Variants in CHRM2 observed in about 807,000 individuals in gnomAD.
CHRM2 encodes the protein cholinergic receptor muscarinic 2, also known as muscarinic acetylcholine receptor M2.
In CHRM2, 8 loss-of-function variants were observed where a neutral mutation model predicts 25.0. The ratio of observed to expected loss-of-function variants is 0.32; its 90% CI spans 0.19 to 0.58. The LOEUF is 0.58. Among genes scored for constraint, CHRM2 ranks in the 20% least tolerant of loss-of-function variants. The pLI, the probability that CHRM2 is intolerant of heterozygous loss-of-function variation, is 0.88. For synonymous variants in CHRM2, 202 were observed against 205.7 expected (o/e 0.98, Z 0.15); for missense variants, 440 against 567.1 (o/e 0.78, Z 2.28).
At chr7:136,893,022 C>A (rs1796754499) in intron 2 of CHRM2, among the ~76,000 whole-genome samples, 1 of 152,092 alleles carries the variant, frequency 6.6e-6, no homozygotes, top group African/African-American at 2.4e-5. Flanking sequence ...CCTCTCTTCT[C>A]TTGTTCTCTC....
chr7:136,887,784 T>C (rs1241829056), intron 2 of CHRM2, among the ~76,000 whole-genome samples: 2 of 152,142 alleles, frequency 1.3e-5, no homozygotes, highest in African/African-American at 2.4e-5. Flanking sequence ...GTTCCCCCTT[T>C]TGGGAAACTT....
intron 2 of CHRM2, among the ~76,000 whole-genome samples, chr7:136,980,396 T>G (rs888608738): frequency 2.0e-5 from 3 of 152,138 alleles, no homozygotes; most frequent in Non-Finnish European, 2.9e-5. Context: ...CAAACAAATA[T>G]AATTTGACTT....
chr7:136,961,196 T>G (rs1179036839), intron 2 of CHRM2, among the ~76,000 whole-genome samples: 1 of 152,186 alleles, frequency 6.6e-6, no homozygotes, highest in East Asian at 1.9e-4. Context: ...AAAACCATTC[T>G]GTTTTCTACT....
intron 2 of CHRM2, chr7:136,907,066 T>A (rs1360116318): frequency 6.6e-6 from 1 of 151,710 alleles, no homozygotes; most frequent in Admixed American, 6.6e-5. Flanking sequence ...ATAGGGTTTG[T>A]GCTTCTATGA....
chr7:137,006,042 G>A (rs759183091), intron 3 of CHRM2, among the ~76,000 whole-genome samples: 22 of 151,922 alleles, frequency 1.4e-4, no homozygotes, highest in Non-Finnish European at 1.9e-4. Flanking sequence ...TTAGACAGAG[G>A]GCTTTCTCCA....
intron 2 of CHRM2, among the ~76,000 whole-genome samples, chr7:136,875,194 A>G (rs985337867): frequency 6.6e-6 from 1 of 150,816 alleles, no homozygotes; most frequent in African/African-American, 2.4e-5. Flanking sequence ...CAAGAAAAAA[A>G]TATATATACA....
At position 136,950,783 on chromosome 7, in the gene CHRM2, C is replaced by CTGTTGT. The variant is rs200954535; in HGVS notation, c.-124-41363_-124-41358dup. Among the ~76,000 whole-genome samples the CTGTTGT allele has an allele frequency of 0.092, 13,820 of 149,422 alleles. 724 individuals are homozygous for CTGTTGT. Among genetic ancestry groups the CTGTTGT allele is most frequent in the Non-Finnish European group, 0.12 (8,160 of 67,320 alleles). On this transcript the variant is annotated intron_variant, in intron 2 of 3. Transcript: ENST00000680005. ...TTACAGAATAGCATGAACCCCCAAC[C>CTGTTGT]TGTTGTTGTTGTTGTTGTTGTTGTT...
At chr7:136,965,379 T>C (rs1801347306) in intron 2 of CHRM2, among the ~76,000 whole-genome samples, 1 of 152,084 alleles carries the variant, frequency 6.6e-6, no homozygotes, top group Non-Finnish European at 1.5e-5. Flanking sequence ...ATGAATGGAA[T>C]TGCTATTATG....
chr7:136,872,458 A>G (rs1795879343), intron 2 of CHRM2, among the ~76,000 whole-genome samples: 1 of 152,206 alleles, frequency 6.6e-6, no homozygotes, highest in Admixed American at 6.5e-5. Context: ...AAAAACACAT[A>G]TTGCTCTAAA....
chr7:136,972,123 T>C (rs184119478), intron 2 of CHRM2, among the ~76,000 whole-genome samples: 1 of 152,178 alleles, frequency 6.6e-6, no homozygotes, highest in African/African-American at 2.4e-5. Context: ...GCAATGTCAG[T>C]ATGCCTTTTT....
chr7:136,942,380 C>T (rs1799824510), intron 2 of CHRM2, among the ~76,000 whole-genome samples: 1 of 152,158 alleles, frequency 6.6e-6, no homozygotes, highest in South Asian at 2.1e-4. Context: ...CACCCTCCTC[C>T]TTCCCTTAGG....
intron 2 of CHRM2, among the ~76,000 whole-genome samples, chr7:136,948,434 T>C (rs1330178475): frequency 2.0e-5 from 3 of 152,108 alleles, no homozygotes; most frequent in Non-Finnish European, 2.9e-5. Context: ...AGTGGATCAC[T>C]GGAAATGAGC....
chr7:136,903,704 T>C (rs1413700403), intron 2 of CHRM2, among the ~76,000 whole-genome samples: 1 of 151,962 alleles, frequency 6.6e-6, no homozygotes, highest in Non-Finnish European at 1.5e-5. Flanking sequence ...ACAATATTTC[T>C]CATTTTTATT....
intron 2 of CHRM2, chr7:136,870,349 C>CG (rs1288748049): frequency 6.6e-6 from 1 of 152,640 alleles, no homozygotes; most frequent in Non-Finnish European, 1.5e-5. Flanking sequence ...TGCCTGGTGC[C>CG]GGTAGACGCG....
intron 2 of CHRM2, among the ~76,000 whole-genome samples, chr7:136,915,672 T>C (rs1798064992): frequency 2.0e-5 from 3 of 151,806 alleles, no homozygotes; most frequent in Admixed American, 1.3e-4. Flanking sequence ...AGGGTTATGT[T>C]GGTAGCAATA....
intron 2 of CHRM2, among the ~76,000 whole-genome samples, chr7:136,948,070 C>A (rs1396378486): frequency 6.6e-6 from 1 of 152,046 alleles, no homozygotes; most frequent in Non-Finnish European, 1.5e-5. Flanking sequence ...CAGCAGTAGG[C>A]AACAGTTAAC....
intron 2 of CHRM2, among the ~76,000 whole-genome samples, chr7:136,887,198 T>C (rs1316296896): frequency 6.6e-6 from 1 of 152,242 alleles, no homozygotes; most frequent in Non-Finnish European, 1.5e-5. Context: ...CTAACCATTT[T>C]ATTATATGTA....
At chr7:136,902,241 AT>A (rs1797263688) in intron 2 of CHRM2, 1 of 151,850 alleles carries the variant, frequency 6.6e-6, no homozygotes, top group Non-Finnish European at 1.5e-5. Context: ...CCATCCATCC[AT>A]CCATCCATCC....
intron 2 of CHRM2, among the ~76,000 whole-genome samples, chr7:136,920,151 A>AT (rs1446795037): frequency 6.6e-6 from 1 of 152,042 alleles, no homozygotes; most frequent in East Asian, 1.9e-4. Flanking sequence ...ATAGCTGTGC[A>AT]TTTTTGTGAC....
Sources: allele counts gnomAD v4.1 joint callset (sites outside exome capture counted in the v4.1 genomes callset), GRCh38; gene constraint gnomAD v4.1.1; transcripts MANE v1.5; gene names NCBI Gene and HGNC (gene_info 2026-07-23, HGNC 2026-07-21).